ME3: variants seen among roughly 807,000 people sequenced by gnomAD.
ME3 encodes the protein malic enzyme 3.
A neutral mutation model predicts 68.9 loss-of-function variants in ME3; 48 were observed. The ratio of observed to expected loss-of-function variants is 0.70; its 90% confidence interval spans 0.55 to 0.89. ME3 has a LOEUF of 0.89. ME3 is among the 40% of genes least tolerant of loss of function. The pLI is 0.00. For missense variants in ME3, 675 were observed against 797.4 expected, an observed-to-expected ratio of 0.85 and a Z score of 1.85; for synonymous variants, 320 against 318.8, an observed-to-expected ratio of 1.00 and a Z score of -0.04.
intron 7 of ME3, among the ~76,000 whole-genome samples, chr11:86,474,710 G>A (rs1950965998): frequency 6.6e-6 from 1 of 152,180 alleles, no homozygotes. Context: ...TCAGTTGCTA[G>A]CGCTTTCCTG....
At chr11:86,655,929 G>C (rs1002118057) in intron 2 of ME3, among the ~76,000 whole-genome samples, 1 of 151,930 alleles carries the variant, frequency 6.6e-6, no homozygotes, top group African/African-American at 2.4e-5. Flanking sequence ...CCATCAAAAA[G>C]TGGGCCAAGG....
At chr11:86,468,087 C>T (rs1213946657) in intron 7 of ME3, among the ~76,000 whole-genome samples, 2 of 152,110 alleles carry the variant, frequency 1.3e-5, no homozygotes, top group African/African-American at 4.8e-5. Flanking sequence ...CACACTGTCC[C>T]ATCTCAGTCT....
chr11:86,619,326 G>T (rs1204512865), intron 2 of ME3, among the ~76,000 whole-genome samples: 1 of 152,184 alleles, frequency 6.6e-6, no homozygotes, highest in Admixed American at 6.5e-5. Flanking sequence ...AGAAATTATA[G>T]AATACTGAAA....
At chr11:86,549,839 T>C (rs539311090) in intron 4 of ME3, among the ~76,000 whole-genome samples, 156 of 152,238 alleles carry the variant, frequency 1.0e-3, no homozygotes, top group Non-Finnish European at 1.7e-3. Flanking sequence ...ATGAGGGGGC[T>C]TGGGTGGTGG....
chr11:86,548,758 A>G (rs1956503387), intron 4 of ME3, among the ~76,000 whole-genome samples: 1 of 152,144 alleles, frequency 6.6e-6, no homozygotes, highest in Non-Finnish European at 1.5e-5. Flanking sequence ...ATAGATGAGG[A>G]AAGTGAGGCC....
intron 2 of ME3, among the ~76,000 whole-genome samples, chr11:86,571,515 TA>T (rs1429279777): frequency 6.6e-6 from 1 of 152,256 alleles, no homozygotes; most frequent in East Asian, 1.9e-4. Flanking sequence ...ACACTGTGGC[TA>T]TTGAGCACTT....
At chr11:86,555,989 A>C (rs956435953) in intron 4 of ME3, among the ~76,000 whole-genome samples, 6 of 152,210 alleles carry the variant, frequency 3.9e-5, no homozygotes, top group Non-Finnish European at 8.8e-5. Flanking sequence ...ATATATTCTG[A>C]AGTCATTTTG....
chr11:86,559,173 G>C (rs368361841), intron 3 of ME3, among the ~76,000 whole-genome samples: 60 of 152,284 alleles, frequency 3.9e-4, no homozygotes, highest in African/African-American at 1.4e-3. Flanking sequence ...AGGAGGCAGG[G>C]TTATTAACTG....
At chr11:86,614,611 T>C (rs1380039090) in intron 2 of ME3, among the ~76,000 whole-genome samples, 2 of 152,170 alleles carry the variant, frequency 1.3e-5, no homozygotes, top group African/African-American at 4.8e-5. Flanking sequence ...TGCCTTATCT[T>C]CGACCTCAAT....
At chr11:86,487,687 C>G (rs1158439893) in intron 6 of ME3, among the ~76,000 whole-genome samples, 1 of 152,184 alleles carries the variant, frequency 6.6e-6, no homozygotes. Context: ...CCAGGCAAGC[C>G]TCTGTCAGAC....
At chr11:86,576,224 T>C (rs987604983) in intron 2 of ME3, among the ~76,000 whole-genome samples, 1 of 151,962 alleles carries the variant, frequency 6.6e-6, no homozygotes, top group African/African-American at 2.4e-5. Flanking sequence ...AGGAAAGTGG[T>C]TGGGGGAGGT....
downstream of ME3, chr11:86,436,794 C>T (rs570599373): frequency 1.6e-4 from 24 of 152,110 alleles, no homozygotes; most frequent in East Asian, 2.9e-3. Flanking sequence ...ACTCTCTTTC[C>T]CCCAATGAAT....
At chr11:86,482,539 A>C (rs995689428) in intron 7 of ME3, among the ~76,000 whole-genome samples, 2 of 150,644 alleles carry the variant, frequency 1.3e-5, no homozygotes, top group Non-Finnish European at 2.9e-5. Context: ...CCAATGCACC[A>C]TACCTCCTAG....
intron 2 of ME3, among the ~76,000 whole-genome samples, chr11:86,664,147 T>A (rs1445879488): frequency 6.6e-6 from 1 of 152,182 alleles, no homozygotes; most frequent in Admixed American, 6.5e-5. Flanking sequence ...TACTTGGCTC[T>A]AGAAACAATT....
chr11:86,444,622 G>C (rs1949182252), intron 13 of ME3, among the ~76,000 whole-genome samples: 1 of 152,196 alleles, frequency 6.6e-6, no homozygotes, highest in Non-Finnish European at 1.5e-5. Context: ...CTCTTCAGCA[G>C]GGAGTCAAGT....
chr11:86,459,311 C>A (rs1027275186), intron 8 of ME3, among the ~76,000 whole-genome samples: 7 of 152,160 alleles, frequency 4.6e-5, no homozygotes, highest in African/African-American at 1.7e-4. Context: ...GTTCCCCAGT[C>A]CTGTGCTCAC....
exon 3 of ME3, chr11:86,559,766 G>A (rs1363978068): frequency 3.1e-6 from 5 of 1,614,096 alleles, no homozygotes; most frequent in Non-Finnish European, 4.2e-6. Flanking sequence ...AGAAAGCAGG[G>A]CGGGATTAGG....
At chr11:86,561,612 A>G (rs1957240275) in intron 2 of ME3, among the ~76,000 whole-genome samples, 1 of 152,194 alleles carries the variant, frequency 6.6e-6, no homozygotes, top group South Asian at 2.1e-4. Flanking sequence ...TCCCACTCCA[A>G]CAATAAAAAG....
intron 4 of ME3, among the ~76,000 whole-genome samples, chr11:86,547,489 G>A (rs1194043141): frequency 2.0e-5 from 3 of 151,838 alleles, no homozygotes; most frequent in African/African-American, 7.3e-5. Flanking sequence ...GGGCGGGTGG[G>A]GGGTTGGGGG....
Sources: gnomAD v4.1 joint callset for allele counts (sites outside exome capture counted in the v4.1 genomes callset) on GRCh38, gnomAD v4.1.1 for gene constraint, MANE v1.5 for transcripts, NCBI Gene and HGNC (gene_info 2026-07-23, HGNC 2026-07-21) for gene names.